VPS52: variants seen among roughly 807,000 people sequenced by gnomAD.
VPS52 encodes the protein vacuolar protein sorting-associated protein 52 homolog.
Under a neutral mutation model 98.7 loss-of-function variants are expected in VPS52, and 56 were observed. The ratio of observed to expected loss-of-function variants is 0.57; its 90% CI spans 0.46 to 0.71. VPS52 has a LOEUF of 0.71. VPS52 is among the 30% of genes least tolerant of loss of function. The probability of loss-of-function intolerance (pLI) is 0.00; values close to 1 mark genes in which losing one functional copy is unlikely to be tolerated. For synonymous variants in VPS52, 348 were observed against 346.4 expected, an observed-to-expected ratio of 1.00 and a Z score of -0.05; for missense variants, 742 against 925.9, an observed-to-expected ratio of 0.80 and a Z score of 2.58.
chr6:33,269,760 C>T lies in VPS52; in HGVS notation c.288G>A (p.Gln96=). 6.2e-7 allele frequency: 1 copy of T among 1,613,848 alleles called. No homozygotes were observed. The highest frequency in any genetic ancestry group is 8.5e-7 in the Non-Finnish European group (1 of 1,179,984). Residue 96 remains glutamine (Q), a synonymous_variant, in exon 4 of 20, where the codon CAG becomes CAA. Transcript: ENST00000445902. ...GGAGGATACAATCCCGAATGGATTT[C>T]TGTTCAATCTGCTGTAGCTCCAGCT... The part of the protein sequence containing the change: ...QVELELQQIE[Q]KSIRDYIQES...
At chr6:33,262,557 G>A (rs1383732233) in intron 17 of VPS52, among the ~76,000 whole-genome samples, 3 of 152,156 alleles carry the variant, frequency 2.0e-5, no homozygotes, top group African/African-American at 7.2e-5. Flanking sequence ...ACATTGAAGA[G>A]ATATTTGCAC....
Position 33,267,586 on chromosome 6 carries a change from C to G in VPS52, c.991+96G>C, listed in dbSNP as rs1333424302. On this transcript the variant is annotated intron_variant, in intron 10 of 19. Coordinates refer to ENST00000445902, the MANE Select transcript of VPS52 (RefSeq NM_022553.6). The surrounding 1 kb of genome is among the most constrained non-coding windows in gnomAD (Gnocchi z 4.2). ...CATCACATTCTAAAAGGTTTCAGTCCCATAGGAAAAGGTAAGGAGCAGTGC... is the reference window on the plus strand; with the variant it reads ...CATCACATTCTAAAAGGTTTCAGTCGCATAGGAAAAGGTAAGGAGCAGTGC... The G allele has an allele frequency of 7.6e-6, 11 of 1,439,878 alleles. No homozygotes were observed. The African/African-American group carries it at 1.3e-4, about 17-fold the overall frequency. 89.2% of individuals were successfully genotyped at this position (1,439,878 alleles called of 1,614,324 possible).
intron 17 of VPS52, among the ~76,000 whole-genome samples, chr6:33,259,560 T>A (rs1763393335): frequency 6.6e-6 from 1 of 152,120 alleles, no homozygotes; most frequent in African/African-American, 2.4e-5. Context: ...CCTAATCCAA[T>A]AATCTGAAAT....
rs765705875 is a variant in VPS52, at chr6:33,268,063, T to G, written c.800+45A>C. 54 of 1,612,866 alleles carry G rather than the reference T, an allele frequency of 3.3e-5. No homozygotes were observed. The highest frequency in any genetic ancestry group is 4.4e-5 in the Non-Finnish European group (52 of 1,179,980). On this transcript the variant is annotated intron_variant, in intron 8 of 19. Coordinates refer to ENST00000445902, the MANE Select transcript of VPS52 (RefSeq NM_022553.6). This position sits in a 1 kb window ranked among gnomAD's most constrained non-coding sequence, Gnocchi z 4.0. ...AAACCAGATGCCCACACTAGGCCGC[T>G]CAAAAACTCAAAGGCCATCCCATGC...
chr6:33,267,563 T>C lies in VPS52; in HGVS notation c.991+119A>G, dbSNP rs1420509486. ...CTGGGGAGGGAGGCTATAGCTTTCA[T>C]CACATTCTAAAAGGTTTCAGTCCCA... is the stretch of plus-strand genomic sequence containing the variant. On this transcript the variant is annotated intron_variant, in intron 10 of 19. Transcript: ENST00000445902. This position sits in a 1 kb window ranked among gnomAD's most constrained non-coding sequence, Gnocchi z 4.2. The C allele has an allele frequency of 2.3e-6, 3 of 1,315,226 alleles. No homozygotes were observed. The allele number at this position is 1,315,226 out of a possible 1,614,324, so 81.5% of individuals were successfully genotyped here. A position where few individuals can be genotyped will look rare whatever the true frequency, so the allele number is the denominator to read the frequency against.
In VPS52 at chr6:33,268,104, T is replaced by G. The variant is rs1764562380; in HGVS notation, c.800+4A>C. ...CATCCCATGCACTTCCTTGGGGTTG[T>G]GACCTGTACTTCAGCAGGGCCGTCT... On this transcript the variant is annotated splice_donor_region_variant and intron_variant, in intron 8 of 19. Coordinates refer to ENST00000445902, the MANE Select transcript of VPS52 (RefSeq NM_022553.6). This position sits in a 1 kb window ranked among gnomAD's most constrained non-coding sequence, Gnocchi z 4.0. 3 of 1,613,106 alleles carry G rather than the reference T, an allele frequency of 1.9e-6. No homozygotes were observed. The East Asian group carries it at 6.7e-5, about 36-fold the overall frequency.
intron 17 of VPS52, among the ~76,000 whole-genome samples, chr6:33,255,555 G>A (rs545059238): frequency 6.7e-6 from 1 of 149,932 alleles, no homozygotes; most frequent in African/African-American, 2.5e-5. Context: ...GGGAGGCCAA[G>A]GCGGGCAGAT....
chr6:33,264,784 G>C lies in VPS52; in HGVS notation c.1398C>G (p.Asp466Glu), dbSNP rs1764097023. The change falls in exon 13 of 20, where the codon GAC becomes GAG. Residue 466 changes from aspartate to glutamate, a missense_variant and splice_region_variant. Asp to Glu is a conservative substitution (Grantham distance 45). Transcript: ENST00000445902. ...ATCAAGGACCAGAATTCAGTGACCT[G>C]TCCAGGGCAGGAACATCCCTCTTTG... ...IAAKRDVPAL[D>E]RYWEQVLALL... 6.2e-7 allele frequency: 1 copy of C among 1,612,764 alleles called. No individual in the cohort carries two copies. The highest frequency in any genetic ancestry group is 1.1e-5 in the South Asian group (1 of 91,072).
rs1004984148 is a variant in VPS52 at position 33,271,783 on chromosome 6, T to C, written c.-108A>G. 5.1e-5 allele frequency: 75 copies of C among 1,470,838 alleles called. 1 individual carries two copies. In the South Asian group the frequency reaches 9.2e-4, roughly 18 times the overall value. 91.1% of individuals were successfully genotyped at this position (1,470,838 alleles called of 1,614,324 possible). ...CTCAGCGCGAAATCGTTCCCAGATA[T>C]TTGAGTTAAGTTGTTTGACTCCAGC... is the stretch of plus-strand genomic sequence containing the variant. On this transcript the variant is annotated 5_prime_UTR_variant, in exon 1 of 20. Coordinates refer to ENST00000445902, the MANE Select transcript of VPS52 (RefSeq NM_022553.6).
Position 33,268,271 on chromosome 6 carries a change from TG to T in VPS52, c.700-64del. On this transcript the variant is annotated intron_variant, in intron 7 of 19. Coordinates refer to ENST00000445902, the MANE Select transcript of VPS52 (RefSeq NM_022553.6). This position sits in a 1 kb window ranked among gnomAD's most constrained non-coding sequence, Gnocchi z 4.0. ...AACCCTTTTGCTGTATGAGAGGAACTGGGGGAAGCAACAAATGGTAAACATA... is the reference window on the plus strand; with the variant it reads ...AACCCTTTTGCTGTATGAGAGGAACTGGGGAAGCAACAAATGGTAAACATA... 6.5e-7 allele frequency: 1 copy of T among 1,539,068 alleles called. No individual in the cohort carries two copies. The highest frequency in any genetic ancestry group is 2.3e-5 in the East Asian group (1 of 44,402).
In VPS52 at chr6:33,267,356, C is replaced by A. The variant is rs1309157427; in HGVS notation, c.992-35G>T. On this transcript the variant is annotated intron_variant, in intron 10 of 19. Transcript: ENST00000445902. The surrounding 1 kb of genome is among the most constrained non-coding windows in gnomAD (Gnocchi z 4.2). Reference sequence around the variant, plus strand: ...GTCAGAGTCAGGGAAAACAATGAGACCATAACTGGGCCCAAAGACTCACTA... The same window carrying A: ...GTCAGAGTCAGGGAAAACAATGAGAACATAACTGGGCCCAAAGACTCACTA... 6.5e-7 allele frequency: 1 copy of A among 1,537,464 alleles called. No individual in the cohort carries two copies. Among genetic ancestry groups the A allele is most frequent in the African/African-American group, 1.4e-5 (1 of 72,396 alleles).
Position 33,264,388 on chromosome 6 carries a change from T to G in VPS52, c.1510A>C (p.Thr504Pro), listed in dbSNP as rs1317289680. 1 of 1,614,092 alleles carries G rather than the reference T, an allele frequency of 6.2e-7. No individual in the cohort carries two copies. Among genetic ancestry groups the G allele is most frequent in the Non-Finnish European group, 8.5e-7 (1 of 1,180,006 alleles). Residue 504 changes from threonine to proline, a missense_variant, in exon 14 of 20, where the codon ACT becomes CCT. Thr to Pro is a conservative substitution (Grantham distance 38). Around this residue, in one of 2 missense-constraint regions of VPS52, gnomAD observed 590 missense variants for 793.3 expected, o/e 0.74. Transcript: ENST00000445902. The stretch of plus-strand genomic sequence containing the variant: ...CCCTCCCTCACATAGTGGGGCCGAG[T>G]ATCCAACCCCCCTAGGCGCTGGGGG... Reference protein sequence around the residue: ...TDPQRLGGLDTRPHYITRRYA... With the variant: ...TDPQRLGGLDPRPHYITRRYA...
At chr6:33,264,675 T>G in intron 13 of VPS52, 107 bp downstream of exon 13, 1 of 1,408,260 alleles carries the variant, frequency 7.1e-7, no homozygotes, top group Non-Finnish European at 1.0e-6. Context: ...TGAATGGGAA[T>G]AAAGGTTGAT....
intron 17 of VPS52, among the ~76,000 whole-genome samples, chr6:33,260,629 TTG>T (rs1562549146): frequency 6.6e-6 from 1 of 152,198 alleles, no homozygotes; most frequent in South Asian, 2.1e-4. Flanking sequence ...CCCCCTTTTT[TTG>T]TGTGTGTTCT....
rs1764635787 is a variant in VPS52 at position 33,268,714 on chromosome 6, G to A, written c.549-65C>T. 3 of 1,518,882 alleles carry A rather than the reference G, an allele frequency of 2.0e-6. No individual in the cohort carries two copies. The highest frequency in any genetic ancestry group is 4.0e-5 in the Admixed American group (2 of 50,494). 94.1% of individuals were successfully genotyped at this position (1,518,882 alleles called of 1,614,324 possible). On this transcript the variant is annotated intron_variant, in intron 6 of 19. Transcript: ENST00000445902. This position sits in a 1 kb window ranked among gnomAD's most constrained non-coding sequence, Gnocchi z 4.0. ...CCCAGACATCCCTAAACCAGACCCA[G>A]ACCACACTCCTTACCTCCAGCCCCT...
In VPS52 at chr6:33,251,819, C is replaced by G. The variant is rs761927110; in HGVS notation, c.1906+41G>C. The G allele has an allele frequency of 3.1e-6, 5 of 1,598,920 alleles. No homozygotes were observed. In the Admixed American group the frequency reaches 6.7e-5, roughly 21 times the overall value. ...ATCCTTTCATTTTTCTTTTCCACTT[C>G]CCTTACCACTGATCCCATCATTACC... On this transcript the variant is annotated intron_variant, in intron 18 of 19. Coordinates refer to ENST00000445902, the MANE Select transcript of VPS52 (RefSeq NM_022553.6).
In VPS52 at chr6:33,250,772, G is replaced by T; in HGVS notation, c.*69C>A. Reference sequence around the variant, plus strand: ...AACTGGAAGGGGTACCCCAGGTGAAGAAGGGTATGGAATGGGGTGCAGAAG... The same window carrying T: ...AACTGGAAGGGGTACCCCAGGTGAATAAGGGTATGGAATGGGGTGCAGAAG... On this transcript the variant is annotated 3_prime_UTR_variant, in exon 20 of 20. Coordinates refer to ENST00000445902, the MANE Select transcript of VPS52 (RefSeq NM_022553.6). The T allele has an allele frequency of 6.4e-7, 1 of 1,558,170 alleles. No individual in the cohort carries two copies. The highest frequency in any genetic ancestry group is 8.7e-7 in the Non-Finnish European group (1 of 1,150,158).
chr6:33,258,247 C>T lies in VPS52; in HGVS notation c.1794+5237G>A, dbSNP rs9501287. ...ACTAAATATACAAAAATTAGCCGGG[C>T]GTGGTAGCACACGCCTGTAATCCCA... On this transcript the variant is annotated intron_variant, in intron 17 of 19. Coordinates refer to ENST00000445902, the MANE Select transcript of VPS52 (RefSeq NM_022553.6). 2.1e-3 allele frequency among the ~76,000 whole-genome samples: 326 copies of T among 151,976 alleles called. 2 individuals carry two copies. Among genetic ancestry groups the T allele is most frequent in the African/African-American group, 7.3e-3 (302 of 41,466 alleles).
chr6:33,271,719 C>G lies in VPS52; in HGVS notation c.-44G>C, dbSNP rs1765128153. Reference sequence around the variant, plus strand: ...CGGCAACTGTCAGTCCCGGCGAGTCCGTTCCCCGGAGTGGAGCTACAAGTC... The same window carrying G: ...CGGCAACTGTCAGTCCCGGCGAGTCGGTTCCCCGGAGTGGAGCTACAAGTC... On this transcript the variant is annotated 5_prime_UTR_variant, in exon 1 of 20. Coordinates refer to ENST00000445902, the MANE Select transcript of VPS52 (RefSeq NM_022553.6). 2 of 1,569,652 alleles carry G rather than the reference C, an allele frequency of 1.3e-6. No individual in the cohort carries two copies. Among genetic ancestry groups the G allele is most frequent in the Non-Finnish European group, 1.7e-6 (2 of 1,156,064 alleles).
Sources: allele counts gnomAD v4.1 joint callset (sites outside exome capture counted in the v4.1 genomes callset), GRCh38; gene constraint gnomAD v4.1.1; regional missense constraint gnomAD v4.1.1; non-coding constraint Gnocchi (gnomAD v3.1); transcripts MANE v1.5; gene names NCBI Gene and HGNC (gene_info 2026-07-23, HGNC 2026-07-21).